The following CFAP96 variants were observed in gnomAD, a reference collection of about 807,000 sequenced individuals.
CFAP96 encodes the protein cilia-and flagella-associated protein 96.
chr4:185,433,246 T>C, the CFAP96 span, among the ~76,000 whole-genome samples: 1 of 151,774 alleles, frequency 6.6e-6, no homozygotes, highest in African/African-American at 2.4e-5. Context: ...ATACAAAAAA[T>C]TAGCCAGGCA....
At chr4:185,419,911 A>G in the CFAP96 span, among the ~76,000 whole-genome samples, 23 of 152,316 alleles carry the variant, frequency 1.5e-4, no homozygotes, top group South Asian at 2.1e-4. Context: ...TGTGTTTTCA[A>G]TTCTCTTGGG....
At chr4:185,414,234 A>C in the CFAP96 span, among the ~76,000 whole-genome samples, 6 of 152,244 alleles carry the variant, frequency 3.9e-5, no homozygotes, top group Non-Finnish European at 8.8e-5. Flanking sequence ...AATTATAATT[A>C]ACAATAATTA....
the CFAP96 span, chr4:185,415,166 C>G: frequency 1.3e-6 from 2 of 1,598,110 alleles, no homozygotes; most frequent in Non-Finnish European, 1.7e-6. Context: ...TTCCTATAGG[C>G]CTGCAGCTGG....
the CFAP96 span, among the ~76,000 whole-genome samples, chr4:185,447,393 G>A: frequency 2.6e-3 from 400 of 152,048 alleles, 2 homozygotes; most frequent in African/African-American, 9.2e-3. Context: ...TGTTAGCCAG[G>A]ATGGACTTGA....
the CFAP96 span, among the ~76,000 whole-genome samples, chr4:185,447,464 T>G: frequency 1.0e-3 from 159 of 152,198 alleles, no homozygotes; most frequent in South Asian, 3.1e-3. Context: ...ACAGGCTTGA[T>G]CCACCACGCC....
At chr4:185,418,912 T>A in the CFAP96 span, 1 of 645,652 alleles carries the variant, frequency 1.5e-6, no homozygotes, top group Non-Finnish European at 2.4e-6. Flanking sequence ...ATTTTTTGCC[T>A]ATCTTTTTAA....
the CFAP96 span, chr4:185,436,447 C>A: frequency 2.0e-6 from 2 of 982,700 alleles, no homozygotes; most frequent in South Asian, 2.8e-5. Flanking sequence ...CACGGTGGCT[C>A]ACATCTGTAA....
chr4:185,435,687 T>TG, the CFAP96 span, among the ~76,000 whole-genome samples: 1 of 152,188 alleles, frequency 6.6e-6, no homozygotes, highest in Admixed American at 6.5e-5. Flanking sequence ...TAGTTTCTTG[T>TG]GGGTGGATAG....
chr4:185,434,801 C>T, the CFAP96 span, among the ~76,000 whole-genome samples: 2 of 152,036 alleles, frequency 1.3e-5, no homozygotes, highest in South Asian at 2.1e-4. Context: ...TGCAGTGGCG[C>T]GATCTCAGCT....
the CFAP96 span, among the ~76,000 whole-genome samples, chr4:185,435,498 T>C: frequency 6.6e-6 from 1 of 152,222 alleles, no homozygotes; most frequent in African/African-American, 2.4e-5. Context: ...GGATAGTAAA[T>C]ACTTTGATGA....
the CFAP96 span, chr4:185,413,746 G>A: frequency 6.2e-7 from 1 of 1,611,368 alleles, no homozygotes; most frequent in South Asian, 1.1e-5. Context: ...TCCATGTTAG[G>A]TGGATTAAGG....
chr4:185,445,304 C>CT, the CFAP96 span: 1 of 706,274 alleles, frequency 1.4e-6, no homozygotes, highest in Non-Finnish European at 2.3e-6. Context: ...TGTAGAAGTT[C>CT]TCCCCCATCT....
the CFAP96 span, chr4:185,429,644 TG>T: frequency 1.7e-6 from 1 of 593,486 alleles, no homozygotes; most frequent in Non-Finnish European, 2.9e-6. Context: ...TTTGTTAACG[TG>T]TAAAATTTCA....
chr4:185,419,875 G>A, the CFAP96 span, among the ~76,000 whole-genome samples: 1 of 152,084 alleles, frequency 6.6e-6, no homozygotes, highest in Non-Finnish European at 1.5e-5. Context: ...ATGAACATCT[G>A]TGCATAAGTT....
the CFAP96 span, among the ~76,000 whole-genome samples, chr4:185,435,132 A>G: frequency 1.4e-4 from 21 of 152,326 alleles, no homozygotes; most frequent in South Asian, 6.2e-4. Context: ...CTGTCTGTGA[A>G]TAGTTCTCCT....
the CFAP96 span, chr4:185,413,678 A>AT: frequency 1.3e-6 from 2 of 1,549,034 alleles, no homozygotes; most frequent in Admixed American, 4.1e-5. Context: ...AAAACAACTA[A>AT]TAACATTACT....
chr4:185,434,649 G>T, the CFAP96 span, among the ~76,000 whole-genome samples: 1 of 149,818 alleles, frequency 6.7e-6, no homozygotes, highest in Non-Finnish European at 1.5e-5. Context: ...TACAGAAAGT[G>T]TTTCCAAAAA....
At chr4:185,437,993 C>A in the CFAP96 span, among the ~76,000 whole-genome samples, 1 of 151,004 alleles carries the variant, frequency 6.6e-6, no homozygotes, top group Non-Finnish European at 1.5e-5. Context: ...TATGTCCTTT[C>A]CTCTGGCCAC....
At chr4:185,413,006 T>C in the CFAP96 span, among the ~76,000 whole-genome samples, 1 of 152,258 alleles carries the variant, frequency 6.6e-6, no homozygotes, top group South Asian at 2.1e-4. Context: ...TAGTTCCTCA[T>C]TAGACTTATC....
Sources: allele counts gnomAD v4.1 joint callset (sites outside exome capture counted in the v4.1 genomes callset), GRCh38; gene constraint gnomAD v4.1.1; transcripts MANE v1.5; gene names NCBI Gene and HGNC (gene_info 2026-07-23, HGNC 2026-07-21).